DCDC2: variants seen among roughly 807,000 people sequenced by gnomAD.
DCDC2 encodes doublecortin domain containing 2.
A neutral mutation model predicts 50.2 loss-of-function variants in DCDC2; 40 were observed. The observed-to-expected ratio is 0.80, with a 90% confidence interval of 0.62 to 1.04. DCDC2 has a LOEUF of 1.04. Ranked by LOEUF, DCDC2 falls within the 50% of genes least tolerant of loss-of-function variation. The pLI, the probability that DCDC2 is intolerant of heterozygous loss-of-function variation, is 0.00. For missense variants in DCDC2, 570 were observed against 581.9 expected (o/e 0.98, Z 0.21); for synonymous variants, 234 against 210.6 (o/e 1.11, Z -0.96).
chr6:24,244,213 C>G (rs899047565), intron 7 of DCDC2, among the ~76,000 whole-genome samples: 15 of 152,316 alleles, frequency 9.8e-5, no homozygotes, highest in African/African-American at 3.6e-4. Context: ...ACTTAAAAAT[C>G]TACTTCTAAA....
chr6:24,263,365 G>A (rs994520507), intron 7 of DCDC2, among the ~76,000 whole-genome samples: 1 of 152,062 alleles, frequency 6.6e-6, no homozygotes, highest in East Asian at 1.9e-4. Context: ...AGACCATCCC[G>A]AGAAACATGA....
At position 24,358,009 on chromosome 6, in the gene DCDC2, G is replaced by T; in HGVS notation, c.-259C>A. On this transcript the variant is annotated 5_prime_UTR_variant, in exon 1 of 10. Transcript: ENST00000378454. ...CAGCCAATCAGGACCCGCAGTGCGC[G>T]CACCACACCAGGTTCACCTGCTACG... The T allele has an allele frequency of 1.5e-6, 2 of 1,320,492 alleles. No homozygotes were observed. The highest frequency in any genetic ancestry group is 2.0e-6 in the Non-Finnish European group (2 of 982,750). The allele number at this position is 1,320,492 out of a possible 1,614,324, so 81.8% of individuals were successfully genotyped here.
chr6:24,336,814 A>G (rs1325123750), intron 2 of DCDC2, among the ~76,000 whole-genome samples: 4 of 152,138 alleles, frequency 2.6e-5, no homozygotes, highest in Non-Finnish European at 5.9e-5. Context: ...GCCCTTTGTA[A>G]CATCAGCAAC....
At chr6:24,355,886 A>G (rs1285055591) in intron 1 of DCDC2, among the ~76,000 whole-genome samples, 1 of 152,194 alleles carries the variant, frequency 6.6e-6, no homozygotes, top group Non-Finnish European at 1.5e-5. Flanking sequence ...ATTTCTATGT[A>G]GTTATAAGAC....
At chr6:24,191,629 C>T (rs1364254566) in intron 8 of DCDC2, among the ~76,000 whole-genome samples, 1 of 152,156 alleles carries the variant, frequency 6.6e-6, no homozygotes, top group Non-Finnish European at 1.5e-5. Flanking sequence ...AAAATCTGCC[C>T]ACAGGCTACC....
intron 4 of DCDC2, among the ~76,000 whole-genome samples, chr6:24,294,389 C>G (rs1394421027): frequency 6.6e-6 from 1 of 151,922 alleles, no homozygotes; most frequent in Non-Finnish European, 1.5e-5. Context: ...AAATGAACAA[C>G]CTAATAACAC....
chr6:24,278,926 A>G (rs1005402405), intron 6 of DCDC2, among the ~76,000 whole-genome samples: 1 of 152,094 alleles, frequency 6.6e-6, no homozygotes, highest in South Asian at 2.1e-4. Flanking sequence ...TCACGACCAC[A>G]TGTCCCCACT....
chr6:24,299,980 G>C (rs1031548863), intron 4 of DCDC2, among the ~76,000 whole-genome samples: 1 of 151,832 alleles, frequency 6.6e-6, no homozygotes, highest in African/African-American at 2.4e-5. Context: ...TAATAAAATA[G>C]AGGTATCTGT....
intron 7 of DCDC2, among the ~76,000 whole-genome samples, chr6:24,216,988 A>G (rs793843): frequency 0.55 from 83,505 of 152,080 alleles, 26,088 homozygotes; most frequent in East Asian, 0.77. Flanking sequence ...AAACCTGCAG[A>G]GCAGCACACA....
chr6:24,367,681 ATT>A, the DCDC2 span, among the ~76,000 whole-genome samples: 31 of 152,328 alleles, frequency 2.0e-4, no homozygotes, highest in African/African-American at 7.0e-4. Context: ...ACCAACACAA[ATT>A]CTCTCTGGAG....
At chr6:24,360,510 G>A (rs1760648881), upstream of DCDC2, among the ~76,000 whole-genome samples, 1 of 152,212 alleles carries the variant, frequency 6.6e-6, no homozygotes, top group South Asian at 2.1e-4. Context: ...TGTGCTATTT[G>A]TGTAGATTGT....
intron 6 of DCDC2, among the ~76,000 whole-genome samples, chr6:24,283,212 G>A (rs1024363976): frequency 2.0e-5 from 3 of 152,314 alleles, no homozygotes; most frequent in Admixed American, 6.5e-5. Flanking sequence ...CAAGCTCAGC[G>A]AATTTAAGAT....
upstream of DCDC2, among the ~76,000 whole-genome samples, chr6:24,362,830 A>G (rs1760691926): frequency 6.6e-6 from 1 of 152,174 alleles, no homozygotes; most frequent in Non-Finnish European, 1.5e-5. Flanking sequence ...CACAGAACAC[A>G]TTTAACTGTG....
chr6:24,334,456 A>G (rs761916502), intron 2 of DCDC2, among the ~76,000 whole-genome samples: 7 of 152,184 alleles, frequency 4.6e-5, no homozygotes, highest in Admixed American at 1.3e-4. Context: ...CTGATTTCCA[A>G]TAAAGTTTTA....
At chr6:24,229,291 G>GC (rs1170997055) in intron 7 of DCDC2, among the ~76,000 whole-genome samples, 4 of 152,098 alleles carry the variant, frequency 2.6e-5, no homozygotes, top group Non-Finnish European at 5.9e-5. Context: ...TTGGCTCATG[G>GC]CCCCCATCCA....
At chr6:24,289,174 A>T (rs545096139) in intron 5 of DCDC2, among the ~76,000 whole-genome samples, 1 of 152,246 alleles carries the variant, frequency 6.6e-6, no homozygotes, top group Admixed American at 6.5e-5. Context: ...AAATTTGTAT[A>T]GCATTTTTAT....
At chr6:24,320,495 C>T (rs1373728988) in intron 2 of DCDC2, among the ~76,000 whole-genome samples, 1 of 152,078 alleles carries the variant, frequency 6.6e-6, no homozygotes, top group Non-Finnish European at 1.5e-5. Context: ...CCACAACTGG[C>T]TAATTTTTGT....
chr6:24,203,572 A>T (rs1323528846), intron 8 of DCDC2, among the ~76,000 whole-genome samples: 1 of 152,242 alleles, frequency 6.6e-6, no homozygotes, highest in Non-Finnish European at 1.5e-5. Context: ...GGACATAGGC[A>T]TGGGAAAAGA....
chr6:24,256,775 G>A (rs1762906247), intron 7 of DCDC2, among the ~76,000 whole-genome samples: 1 of 152,016 alleles, frequency 6.6e-6, no homozygotes, highest in Admixed American at 6.6e-5. Context: ...TGGAAAATCC[G>A]ATATCATGTA....
Sources: allele counts gnomAD v4.1 joint callset (sites outside exome capture counted in the v4.1 genomes callset), GRCh38; gene constraint gnomAD v4.1.1; transcripts MANE v1.5; gene names NCBI Gene and HGNC (gene_info 2026-07-23, HGNC 2026-07-21).